The following MMS19 variants were observed in gnomAD, a reference collection of about 807,000 sequenced individuals.
The protein encoded by MMS19 is MMS19 nucleotide excision repair protein homolog.
In MMS19, 77 loss-of-function variants were observed where a neutral mutation model predicts 129.8. The ratio of observed to expected loss-of-function variants is 0.59; its 90% CI spans 0.49 to 0.72. The LOEUF is 0.72. MMS19 is among the 30% of genes least tolerant of loss of function. The pLI, the probability that MMS19 is intolerant of heterozygous loss-of-function variation, is 0.00. For missense variants in MMS19, 1,168 were observed against 1,266.3 expected (o/e 0.92, Z 1.18); for synonymous variants, 491 against 502.8 (o/e 0.98, Z 0.31).
At chr10:97,483,972 T>C (rs897665209) in intron 2 of MMS19, 131 bp downstream of exon 2, 1 of 615,782 alleles carries the variant, frequency 1.6e-6, no homozygotes, top group Non-Finnish European at 2.9e-6. Context: ...TAGACTGAGG[T>C]ACTAATATGG....
At position 97,473,333 on chromosome 10, in the gene MMS19, G is replaced by A. The variant is rs193136391; in HGVS notation, c.685-2472C>T. On this transcript the variant is annotated intron_variant, in intron 8 of 30. Coordinates refer to ENST00000438925, the MANE Select transcript of MMS19 (RefSeq NM_022362.5). ...TTACAGGTGTGAGCCACTGCGCCCG[G>A]CCTAGAATTTCTATTCTTGAATTAC... Among the ~76,000 whole-genome samples the A allele has an allele frequency of 1.3e-3, 195 of 152,166 alleles. 2 individuals are homozygous for A. Among genetic ancestry groups the A allele is most frequent in the Middle Eastern group, 6.8e-3 (2 of 294 alleles).
chr10:97,482,533 G>A (rs1032864595), intron 2 of MMS19, among the ~76,000 whole-genome samples: 3 of 152,062 alleles, frequency 2.0e-5, no homozygotes, highest in African/African-American at 7.2e-5. Context: ...GGGAAGAAGA[G>A]GGAAGGGGAA....
chr10:97,496,485 C>T (rs1281357975), intron 1 of MMS19, among the ~76,000 whole-genome samples: 1 of 146,856 alleles, frequency 6.8e-6, no homozygotes, highest in African/African-American at 2.6e-5. Flanking sequence ...GCACTCCAGC[C>T]TGGCAGACAG....
upstream of MMS19, chr10:97,498,442 G>T: frequency 6.5e-7 from 1 of 1,541,788 alleles, no homozygotes; most frequent in South Asian, 1.2e-5. Flanking sequence ...CGGGCTCTCC[G>T]CGCATGCGCC....
intron 1 of MMS19, among the ~76,000 whole-genome samples, chr10:97,490,807 C>T (rs1218167509): frequency 1.3e-5 from 2 of 152,144 alleles, no homozygotes; most frequent in South Asian, 2.1e-4. Flanking sequence ...TCGTGACTGG[C>T]ACCAATTTAG....
chr10:97,461,108 A>G (rs2031757261), intron 23 of MMS19, 101 bp from the exon 24 acceptor site: 4 of 968,126 alleles, frequency 4.1e-6, no homozygotes, highest in Non-Finnish European at 4.6e-6. Flanking sequence ...AGAAGCTGTT[A>G]GAAAGGGAAA....
At position 97,461,891 on chromosome 10, in the gene MMS19, G is replaced by A; in HGVS notation, c.2121C>T (p.Gly707=). The A allele has an allele frequency of 1.9e-6, 3 of 1,604,574 alleles. No homozygotes were observed. The highest frequency in any genetic ancestry group is 2.6e-6 in the Non-Finnish European group (3 of 1,175,690). The change falls in exon 22 of 31, where the codon GGC becomes GGT. Residue 707 remains glycine (G), a synonymous_variant. Coordinates refer to ENST00000438925, the MANE Select transcript of MMS19 (RefSeq NM_022362.5). Reference sequence around the variant, plus strand: ...CAATCAGCCGCCTCTGCCCTGAGGAGCCATCCTATAAAGGAAGGAGAGCCC... The same window carrying A: ...CAATCAGCCGCCTCTGCCCTGAGGAACCATCCTATAAAGGAAGGAGAGCCC... The part of the protein sequence containing the change: ...FPSRFQPFQD[G]SSGQRRLIAL...
chr10:97,484,881 T>C (rs1265048694), intron 1 of MMS19, among the ~76,000 whole-genome samples: 1 of 152,064 alleles, frequency 6.6e-6, no homozygotes, highest in Non-Finnish European at 1.5e-5. Flanking sequence ...CAGGCTCAGG[T>C]GATCCTCCCA....
intron 3 of MMS19, 92 bp from the exon 4 acceptor site, chr10:97,478,481 G>A (rs2036169408): frequency 1.1e-6 from 1 of 926,478 alleles, no homozygotes; most frequent in African/African-American, 1.7e-5. Context: ...AGTTGTTTCT[G>A]TTTGGGTTCC....
chr10:97,487,470 C>G (rs2135509505), intron 1 of MMS19, among the ~76,000 whole-genome samples: 1 of 152,138 alleles, frequency 6.6e-6, no homozygotes, highest in Non-Finnish European at 1.5e-5. Flanking sequence ...AGGCGCCCAC[C>G]ACCACACCCG....
rs1250405753 is a variant in MMS19, at chr10:97,463,904, T to A, written c.1866A>T (p.Thr622=). The A allele has an allele frequency of 6.2e-7, 1 of 1,612,684 alleles. No individual in the cohort carries two copies. The highest frequency in any genetic ancestry group is 2.2e-5 in the East Asian group (1 of 44,864). Residue 622 remains threonine (T), a synonymous_variant, in exon 19 of 31, where the codon ACA becomes ACT. Transcript: ENST00000438925. ...CCAAGGCAAGCAGGCAAGGTATAGC[T>A]GTCTGGTGGAAATACCAGCAACTCT... ...DPESCWYFHQ[T]AIPCLLALAV...
At chr10:97,468,183 C>T (rs2033930098) in intron 13 of MMS19, 69 bp downstream of exon 13, 3 of 1,438,530 alleles carry the variant, frequency 2.1e-6, no homozygotes, top group African/African-American at 1.4e-5. Context: ...TAAAACTTAG[C>T]TCACTCTCTG....
intron 2 of MMS19, 149 bp downstream of exon 2, chr10:97,483,954 T>C: frequency 1.9e-6 from 1 of 521,560 alleles, no homozygotes; most frequent in Non-Finnish European, 3.4e-6. Flanking sequence ...AATTCAAACA[T>C]ATAGGCTTAG....
At position 97,466,880 on chromosome 10, in the gene MMS19, A is replaced by G. The variant is rs2033605381; in HGVS notation, c.1319T>C (p.Phe440Ser). The G allele has an allele frequency of 1.2e-6, 2 of 1,613,948 alleles. No individual in the cohort carries two copies. Among genetic ancestry groups the G allele is most frequent in the South Asian group, 1.1e-5 (1 of 91,074 alleles). Residue 440 changes from phenylalanine (F) to serine (S), a missense_variant, in exon 15 of 31, where the codon TTC becomes TCC. Phe to Ser is a radical substitution (Grantham distance 155). This residue lies in a region of MMS19 where 831 missense variants were observed against 910.8 expected (regional missense o/e 0.91). Transcript: ENST00000438925. ...TACCAGTGAGCACAGCTGGTCCTTG[A>G]AGCCATTCAGAGGCCTTTGATCTAG... ...EDKDQRPLNG[F>S]KDQLCSLVFM...
chr10:97,490,916 A>C (rs1249576059), intron 1 of MMS19, among the ~76,000 whole-genome samples: 2 of 152,190 alleles, frequency 1.3e-5, no homozygotes, highest in African/African-American at 2.4e-5. Context: ...AGCAGACTGT[A>C]AGGGTGGGGG....
intron 3 of MMS19, among the ~76,000 whole-genome samples, chr10:97,478,830 G>T (rs975452525): frequency 4.6e-5 from 7 of 151,736 alleles, no homozygotes; most frequent in Admixed American, 2.6e-4. Context: ...TGTATGATGT[G>T]TTTTTTTTAA....
chr10:97,471,380 C>G (rs1197760765), intron 8 of MMS19, among the ~76,000 whole-genome samples: 5 of 151,980 alleles, frequency 3.3e-5, no homozygotes, highest in Non-Finnish European at 7.4e-5. Flanking sequence ...TTATAAAAAG[C>G]TGTAATTCTG....
rs368988632 is a variant in MMS19 at position 97,465,845 on chromosome 10, T to C, written c.1716A>G (p.Thr572=). 23 of 1,613,776 alleles carry C rather than the reference T, an allele frequency of 1.4e-5. No individual in the cohort carries two copies. Among genetic ancestry groups the C allele is most frequent in the Middle Eastern group, 1.6e-4 (1 of 6,084 alleles). The change falls in exon 18 of 31, where the codon ACA becomes ACG. Residue 572 remains threonine, a synonymous_variant. Coordinates refer to ENST00000438925, the MANE Select transcript of MMS19 (RefSeq NM_022362.5). The part of the protein sequence containing the change: ...VSTHPSIVKE[T]LPLLLQHLWQ... ...AGAGATGCTGCAGCAGCAGAGGCAG[T>C]GTCTCCTTGACGATGCTGGGATGTG...
Position 97,460,779 on chromosome 10 carries a change from G to A in MMS19, c.2413-28C>T, listed in dbSNP as rs754703691. Reference sequence around the variant, plus strand: ...GTAATTGGAGACAGAGAGAGCAATTGGGGAATGACACTCAAACCCGAGAAC... The same window carrying A: ...GTAATTGGAGACAGAGAGAGCAATTAGGGAATGACACTCAAACCCGAGAAC... On this transcript the variant is annotated intron_variant, in intron 24 of 30. Coordinates refer to ENST00000438925, the MANE Select transcript of MMS19 (RefSeq NM_022362.5). 1.9e-6 allele frequency: 3 copies of A among 1,580,864 alleles called. No individual in the cohort carries two copies. In the South Asian group the frequency reaches 3.5e-5, roughly 18 times the overall value.
Sources: gnomAD v4.1 joint callset for allele counts (sites outside exome capture counted in the v4.1 genomes callset) on GRCh38, gnomAD v4.1.1 for gene constraint, gnomAD v4.1.1 regional missense constraint, MANE v1.5 for transcripts, NCBI Gene and HGNC (gene_info 2026-07-23, HGNC 2026-07-21) for gene names.